VAV1: variants seen among roughly 807,000 people sequenced by gnomAD.
VAV1 encodes vav guanine nucleotide exchange factor 1.
Under a neutral mutation model 128.1 loss-of-function variants are expected in VAV1, and 33 were observed. The observed-to-expected ratio is 0.26, with a 90% CI of 0.20 to 0.34. The LOEUF (loss-of-function observed/expected upper bound fraction) is 0.34, where lower values mean the gene tolerates loss of function less well. Among genes scored for constraint, VAV1 ranks in the 10% least tolerant of loss-of-function variants. The pLI, the probability that VAV1 is intolerant of heterozygous loss-of-function variation, is 1.00. For missense variants in VAV1, 715 were observed against 1,093.7 expected, an observed-to-expected ratio of 0.65 and a Z score of 4.88; for synonymous variants, 394 against 409.8, an observed-to-expected ratio of 0.96 and a Z score of 0.47.
chr19:6,847,324 G>A (rs1478083305), intron 22 of VAV1, among the ~76,000 whole-genome samples: 6 of 151,962 alleles, frequency 3.9e-5, no homozygotes, highest in East Asian at 1.9e-4. Context: ...CCTGCCTCCC[G>A]CAGCCCCCGG....
rs1449161005 is a variant in VAV1, at chr19:6,777,499, G to C, written c.204+4488G>C. 6.6e-6 allele frequency among the ~76,000 whole-genome samples: 1 copy of C among 152,228 alleles called. No homozygotes were observed. The highest frequency in any genetic ancestry group is 1.5e-5 in the Non-Finnish European group (1 of 68,042). On this transcript the variant is annotated intron_variant, in intron 1 of 26. Coordinates refer to ENST00000602142, the MANE Select transcript of VAV1 (RefSeq NM_005428.4). This position sits in a 1 kb window ranked among gnomAD's most constrained non-coding sequence, Gnocchi z 4.4. The stretch of plus-strand genomic sequence containing the variant: ...GGGTATGAGGGGGGCACTTTGACGA[G>C]GAGGGCTAGTGGTAAGGTGACATTG...
rs1364696768 is a variant in VAV1, at chr19:6,831,881, C to T, written c.1399-210C>T. Among the ~76,000 whole-genome samples the T allele has an allele frequency of 2.0e-5, 3 of 147,344 alleles. No individual in the cohort carries two copies. The South Asian group carries it at 6.5e-4, about 32-fold the overall frequency. On this transcript the variant is annotated intron_variant, in intron 14 of 26. Coordinates refer to ENST00000602142, the MANE Select transcript of VAV1 (RefSeq NM_005428.4). ...GTGTGTGTGTGTGTGTGTGTGTGTG[C>T]ATGTGCACGCCTGCGTATGTGGTTT...
Position 6,832,206 on chromosome 19 carries a change from T to C in VAV1, c.1508+6T>C. ...GAGCAGTTTGAGATGGCCATGTGAGTCCCCGTCTTCCTCCCTCTTTCTGTC... is the reference window on the plus strand; with the variant it reads ...GAGCAGTTTGAGATGGCCATGTGAGCCCCCGTCTTCCTCCCTCTTTCTGTC... On this transcript the variant is annotated splice_donor_region_variant and intron_variant, in intron 15 of 26. Coordinates refer to ENST00000602142, the MANE Select transcript of VAV1 (RefSeq NM_005428.4). 1 of 1,613,190 alleles carries C rather than the reference T, an allele frequency of 6.2e-7. No individual in the cohort carries two copies. Among genetic ancestry groups the C allele is most frequent in the African/African-American group, 1.3e-5 (1 of 74,974 alleles).
At chr19:6,843,974 A>T (rs189252910) in intron 22 of VAV1, among the ~76,000 whole-genome samples, 1 of 145,206 alleles carries the variant, frequency 6.9e-6, no homozygotes, top group East Asian at 2.2e-4. Context: ...CTATTTAATG[A>T]GCTCCTTTAA....
rs756924987 is a variant in VAV1, at chr19:6,828,581, C to T, written c.1093-41C>T. ...GCCGGGATTAGGTAGGAGCCTGGGTCGGCTGTTGGGGGGCCAGGTTCACCC... is the reference window on the plus strand; with the variant it reads ...GCCGGGATTAGGTAGGAGCCTGGGTTGGCTGTTGGGGGGCCAGGTTCACCC... On this transcript the variant is annotated intron_variant, in intron 11 of 26. Coordinates refer to ENST00000602142, the MANE Select transcript of VAV1 (RefSeq NM_005428.4). The surrounding 1 kb of genome is among the most constrained non-coding windows in gnomAD (Gnocchi z 4.5). 3 of 1,612,940 alleles carry T rather than the reference C, an allele frequency of 1.9e-6. No homozygotes were observed. Among genetic ancestry groups the T allele is most frequent in the East Asian group, 4.5e-5 (2 of 44,820 alleles).
At chr19:6,773,604 A>T (rs1247987413) in intron 1 of VAV1, among the ~76,000 whole-genome samples, 1 of 151,798 alleles carries the variant, frequency 6.6e-6, no homozygotes, top group African/African-American at 2.4e-5. Flanking sequence ...CTCAGAGGAG[A>T]TAGTAAGGCA....
intron 14 of VAV1, 83 bp from the exon 15 acceptor site, chr19:6,832,008 C>A: frequency 8.4e-7 from 1 of 1,185,438 alleles, no homozygotes; most frequent in Non-Finnish European, 1.2e-6. Context: ...TTGCCTGTTC[C>A]CTACAGAGGG....
At chr19:6,790,907 T>C (rs1016991722) in intron 1 of VAV1, among the ~76,000 whole-genome samples, 1 of 152,340 alleles carries the variant, frequency 6.6e-6, no homozygotes, top group South Asian at 2.1e-4. Context: ...GACATAGCAC[T>C]GGTGGCCATG....
chr19:6,810,984 C>T (rs995687803), intron 1 of VAV1, among the ~76,000 whole-genome samples: 1 of 152,174 alleles, frequency 6.6e-6, no homozygotes, highest in Non-Finnish European at 1.5e-5. Flanking sequence ...CCTTTGTCCT[C>T]ATCTGGAACG....
intron 21 of VAV1, among the ~76,000 whole-genome samples, chr19:6,838,892 C>CTTTATTTATTTATTTATTTA (rs147546726): frequency 1.7e-4 from 26 of 150,080 alleles, no homozygotes; most frequent in African/African-American, 6.2e-4. Flanking sequence ...TTATGCTCAG[C>CTTTATTTATTTATTTATTTA]TTTATTTATT....
Position 6,819,488 on chromosome 19 carries a change from T to C in VAV1, c.205-1214T>C, listed in dbSNP as rs149472666. Among the ~76,000 whole-genome samples, 27 of 152,360 alleles carry C rather than the reference T, an allele frequency of 1.8e-4. 1 individual carries two copies. The East Asian group carries it at 5.0e-3, about 28-fold the overall frequency. ...TACATGGCATTTTGTGATTTGCTTCTTTCACTGAGCATGTTTTTAAGGTTC... is the reference window on the plus strand; with the variant it reads ...TACATGGCATTTTGTGATTTGCTTCCTTCACTGAGCATGTTTTTAAGGTTC... On this transcript the variant is annotated intron_variant, in intron 1 of 26. Coordinates refer to ENST00000602142, the MANE Select transcript of VAV1 (RefSeq NM_005428.4).
intron 1 of VAV1, among the ~76,000 whole-genome samples, chr19:6,791,405 T>C (rs1354544673): frequency 6.6e-6 from 1 of 151,940 alleles, no homozygotes; most frequent in African/African-American, 2.4e-5. Context: ...AGCTAGCTCC[T>C]CATCTCGAGG....
chr19:6,792,156 A>C (rs1971032335), intron 1 of VAV1, among the ~76,000 whole-genome samples: 1 of 152,094 alleles, frequency 6.6e-6, no homozygotes, highest in African/African-American at 2.4e-5. Flanking sequence ...GTTTGAAACC[A>C]TCCTGGGCAA....
At chr19:6,803,813 C>T (rs757442541) in intron 1 of VAV1, among the ~76,000 whole-genome samples, 84 of 152,216 alleles carry the variant, frequency 5.5e-4, no homozygotes, top group Middle Eastern at 6.8e-3. Flanking sequence ...GATCCAGCCA[C>T]GTCGGCCTCC....
intron 1 of VAV1, among the ~76,000 whole-genome samples, chr19:6,819,093 C>G (rs7256484): frequency 0.057 from 8,692 of 151,908 alleles, 367 homozygotes; most frequent in African/African-American, 0.11. Flanking sequence ...TCCAGCCTGG[C>G]GGACAAAGTG....
At position 6,804,324 on chromosome 19, in the gene VAV1, G is replaced by A. The variant is rs1483643437; in HGVS notation, c.205-16378G>A. Among the ~76,000 whole-genome samples the A allele has an allele frequency of 4.6e-5, 7 of 152,052 alleles. No individual in the cohort carries two copies. The East Asian group carries it at 9.7e-4, about 21-fold the overall frequency. ...GGTAGACGAAAACAGCTTTATTGCC[G>A]TGGCAGTGTTACAGCTCCATGACTG... is the stretch of plus-strand genomic sequence containing the variant. On this transcript the variant is annotated intron_variant, in intron 1 of 26. Transcript: ENST00000602142.
chr19:6,823,767 A>G (rs1971852044), intron 6 of VAV1, among the ~76,000 whole-genome samples: 1 of 151,570 alleles, frequency 6.6e-6, no homozygotes, highest in Non-Finnish European at 1.5e-5. Context: ...TCACCTCTCC[A>G]TTTCTTTTAA....
chr19:6,811,843 C>A (rs955752632), intron 1 of VAV1, among the ~76,000 whole-genome samples: 2 of 152,158 alleles, frequency 1.3e-5, no homozygotes, highest in Non-Finnish European at 2.9e-5. Flanking sequence ...AAATTGATTT[C>A]TTGTACACAA....
intron 6 of VAV1, among the ~76,000 whole-genome samples, chr19:6,824,721 G>A (rs1003021993): frequency 2.6e-5 from 4 of 151,872 alleles, no homozygotes; most frequent in Admixed American, 2.0e-4. Flanking sequence ...TAGTAGAGAC[G>A]GGGTTTCACC....
Sources: allele counts gnomAD v4.1 joint callset (sites outside exome capture counted in the v4.1 genomes callset), GRCh38; gene constraint gnomAD v4.1.1; non-coding constraint Gnocchi (gnomAD v3.1); transcripts MANE v1.5; gene names NCBI Gene and HGNC (gene_info 2026-07-23, HGNC 2026-07-21).